TFCP2: variants seen among roughly 807,000 people sequenced by gnomAD.
TFCP2 encodes alpha-globin transcription factor CP2.
TFCP2 carries 33 observed loss-of-function variants against 73.4 expected under a neutral mutation model. That is an observed-to-expected ratio of 0.45 (90% confidence interval 0.34 to 0.60). The LOEUF (loss-of-function observed/expected upper bound fraction) is 0.60. Ranked by LOEUF, TFCP2 falls within the 20% of genes least tolerant of loss-of-function variation. The pLI is 0.01. For missense variants in TFCP2, 352 were observed against 604.0 expected (o/e 0.58, Z 4.37); for synonymous variants, 193 against 211.6 (o/e 0.91, Z 0.76).
chr12:51,169,755 G>A (rs1941824028), intron 1 of TFCP2, among the ~76,000 whole-genome samples: 1 of 152,062 alleles, frequency 6.6e-6, no homozygotes, highest in Non-Finnish European at 1.5e-5. Context: ...TACTTAAAAT[G>A]TTGGCACACT....
intron 4 of TFCP2, among the ~76,000 whole-genome samples, chr12:51,113,695 A>G (rs1940453730): frequency 1.3e-5 from 2 of 152,212 alleles, no homozygotes; most frequent in Admixed American, 6.5e-5. Flanking sequence ...GTATAGGCAT[A>G]AAGACAGACA....
chr12:51,144,024 G>T lies in TFCP2; in HGVS notation c.123-25252C>A, dbSNP rs570598539. On this transcript the variant is annotated intron_variant, in intron 1 of 14. Coordinates refer to ENST00000257915, the MANE Select transcript of TFCP2 (RefSeq NM_005653.5). ...TATTGCAATAGATTCAACTTGACAAGATGATTCTTAAAAAAAATTTTTTTT... is the reference window on the plus strand; with the variant it reads ...TATTGCAATAGATTCAACTTGACAATATGATTCTTAAAAAAAATTTTTTTT... 4.6e-5 allele frequency among the ~76,000 whole-genome samples: 7 copies of T among 152,236 alleles called. No homozygotes were observed. The East Asian group carries it at 7.7e-4, about 17-fold the overall frequency.
intron 4 of TFCP2, among the ~76,000 whole-genome samples, chr12:51,114,630 A>T (rs1213030859): frequency 2.6e-5 from 4 of 151,956 alleles, no homozygotes; most frequent in Admixed American, 2.6e-4. Flanking sequence ...AATAAATAAA[A>T]ATAAAGAAAG....
chr12:51,125,045 C>A, intron 1 of TFCP2: 1 of 745,102 alleles, frequency 1.3e-6, no homozygotes, highest in South Asian at 1.4e-5. Flanking sequence ...GGATCTCGGT[C>A]GTGATGTACG....
chr12:51,112,510 A>G (rs912882892), intron 4 of TFCP2, among the ~76,000 whole-genome samples: 1 of 152,186 alleles, frequency 6.6e-6, no homozygotes, highest in African/African-American at 2.4e-5. Flanking sequence ...GGGGTGCAGC[A>G]GAGTGTCTAT....
At chr12:51,106,381 C>T (rs1940243099) in intron 8 of TFCP2, 144 bp downstream of exon 8, 1 of 586,438 alleles carries the variant, frequency 1.7e-6, no homozygotes, top group Middle Eastern at 3.3e-4. Context: ...TGAAGCTACT[C>T]CAAATCTCAG....
At chr12:51,099,626 T>C in intron 12 of TFCP2, 29 bp downstream of exon 12, 1 of 1,608,770 alleles carries the variant, frequency 6.2e-7, no homozygotes, top group East Asian at 2.2e-5. Flanking sequence ...TTTCTTCATA[T>C]CTGTCCTAGT....
In TFCP2 at chr12:51,110,849, A is replaced by C. The variant is rs369154551; in HGVS notation, c.564+28T>G. ...TGATAGTAAGAGAGATACTCTTCAAAACTGGAACCCTATCTGCAACGCCTT... is the reference window on the plus strand; with the variant it reads ...TGATAGTAAGAGAGATACTCTTCAACACTGGAACCCTATCTGCAACGCCTT... On this transcript the variant is annotated intron_variant, in intron 5 of 14. Transcript: ENST00000257915. 9.0e-5 allele frequency: 133 copies of C among 1,483,338 alleles called. No individual in the cohort carries two copies. The African/African-American group carries it at 1.6e-3, about 18-fold the overall frequency. 91.9% of individuals were successfully genotyped at this position (1,483,338 alleles called of 1,614,324 possible).
chr12:51,154,492 G>A (rs146339900), intron 1 of TFCP2, among the ~76,000 whole-genome samples: 2 of 152,254 alleles, frequency 1.3e-5, no homozygotes, highest in African/African-American at 4.8e-5. Context: ...TCAGGAGTTC[G>A]AGACCAGCCT....
chr12:51,144,931 C>T (rs960067846), intron 1 of TFCP2, among the ~76,000 whole-genome samples: 5 of 152,044 alleles, frequency 3.3e-5, no homozygotes, highest in African/African-American at 1.2e-4. Flanking sequence ...GGTGCAGTGG[C>T]TCACGCCTAT....
At chr12:51,146,564 C>G (rs948936556) in intron 1 of TFCP2, among the ~76,000 whole-genome samples, 1 of 152,076 alleles carries the variant, frequency 6.6e-6, no homozygotes, top group Non-Finnish European at 1.5e-5. Context: ...GGATGCAGAA[C>G]CGAAACACCT....
At chr12:51,164,295 T>C (rs1447290788) in intron 1 of TFCP2, among the ~76,000 whole-genome samples, 1 of 151,324 alleles carries the variant, frequency 6.6e-6, no homozygotes, top group East Asian at 2.0e-4. Flanking sequence ...TTTAAAAAGA[T>C]CAACAGAATT....
chr12:51,106,933 C>T (rs1436067805), intron 7 of TFCP2: 1 of 516,510 alleles, frequency 1.9e-6, no homozygotes. Context: ...CAAGATGAAA[C>T]TGAATTCTAT....
intron 2 of TFCP2, among the ~76,000 whole-genome samples, chr12:51,118,116 G>A (rs1940575764): frequency 6.6e-6 from 1 of 152,140 alleles, no homozygotes; most frequent in Non-Finnish European, 1.5e-5. Context: ...GAGGAAGCTG[G>A]ACACTAAAAA....
intron 1 of TFCP2, among the ~76,000 whole-genome samples, chr12:51,135,568 A>G (rs1277456670): frequency 2.0e-5 from 3 of 152,244 alleles, no homozygotes; most frequent in African/African-American, 7.2e-5. Flanking sequence ...TATGAAAGGC[A>G]TATAAATAGC....
intron 2 of TFCP2, among the ~76,000 whole-genome samples, chr12:51,118,102 G>A (rs1035015209): frequency 6.6e-6 from 1 of 152,190 alleles, no homozygotes; most frequent in African/African-American, 2.4e-5. Context: ...AATATGATTA[G>A]GAAGAGGAAG....
intron 1 of TFCP2, among the ~76,000 whole-genome samples, chr12:51,146,294 C>T (rs369857299): frequency 6.6e-6 from 1 of 151,340 alleles, no homozygotes; most frequent in African/African-American, 2.4e-5. Context: ...GGTGACACGG[C>T]GAGATCCTAT....
intron 1 of TFCP2, among the ~76,000 whole-genome samples, chr12:51,124,220 C>G (rs1378139414): frequency 2.0e-5 from 3 of 152,032 alleles, no homozygotes; most frequent in Non-Finnish European, 4.4e-5. Flanking sequence ...CTCAGCCTCC[C>G]AAGTAGCTGG....
chr12:51,124,108 TC>T (rs1309633859), intron 1 of TFCP2, among the ~76,000 whole-genome samples: 6 of 151,674 alleles, frequency 4.0e-5, no homozygotes, highest in African/African-American at 1.5e-4. Flanking sequence ...CTTTTTTTTT[TC>T]TTTTTTGAGG....
Sources: allele counts gnomAD v4.1 joint callset (sites outside exome capture counted in the v4.1 genomes callset), GRCh38; gene constraint gnomAD v4.1.1; transcripts MANE v1.5; gene names NCBI Gene and HGNC (gene_info 2026-07-23, HGNC 2026-07-21).